Variants in PABIR2 observed in about 807,000 individuals in gnomAD.
PABIR2 encodes PABIR family member 2.
PABIR2 carries 7 observed loss-of-function variants against 22.8 expected under a neutral mutation model. That is an observed-to-expected ratio of 0.31 (90% confidence interval 0.17 to 0.58). The LOEUF is 0.58. Among genes scored for constraint, PABIR2 ranks in the 20% least tolerant of loss-of-function variants. The probability of loss-of-function intolerance (pLI) is 0.89; values close to 1 mark genes in which losing one functional copy is unlikely to be tolerated. For missense variants in PABIR2, 155 were observed against 205.1 expected (o/e 0.76, Z 1.49); for synonymous variants, 67 against 73.8 (o/e 0.91, Z 0.47).
chrX:134,790,793 C>T (rs1051728436), intron 2 of PABIR2, among the ~76,000 whole-genome samples: 3 of 112,355 alleles, frequency 2.7e-5, no homozygotes, highest in Admixed American at 9.4e-5. Context: ...AGGATGATCT[C>T]GATCTCCTGA....
At chrX:134,788,150 TTA>T (rs1286020365) in intron 6 of PABIR2, among the ~76,000 whole-genome samples, 1 of 97,174 alleles carries the variant, frequency 1.0e-5, no homozygotes, top group Non-Finnish European at 2.0e-5. Flanking sequence ...AATATATACG[TTA>T]TATATGTGTA....
intron 1 of PABIR2, among the ~76,000 whole-genome samples, chrX:134,794,962 C>A (rs1280081836): frequency 2.7e-5 from 3 of 112,147 alleles, no homozygotes; most frequent in Non-Finnish European, 5.6e-5. Context: ...ATTCAAAAAA[C>A]AGTATGTTTT....
chrX:134,787,469 T>G lies in PABIR2; in HGVS notation c.497+3A>C. On this transcript the variant is annotated splice_donor_region_variant and intron_variant, in intron 7 of 9. Transcript: ENST00000343004. ...ACCACATTTAAAATTCAAGTTTGCT[T>G]ACCTTGAAAATCGTCTTGGACTGGG... The G allele has an allele frequency of 2.5e-6, 3 of 1,208,076 alleles. No individual in the cohort carries two copies. Among genetic ancestry groups the G allele is most frequent in the Non-Finnish European group, 3.4e-6 (3 of 892,675 alleles).
At chrX:134,775,953 T>C (rs1014282352) in intron 9 of PABIR2, among the ~76,000 whole-genome samples, 2 of 112,241 alleles carry the variant, frequency 1.8e-5, no homozygotes, top group Admixed American at 9.5e-5. Flanking sequence ...AATATCAGTC[T>C]GCAGTCATGC....
chrX:134,782,487 T>G (rs1179640289), intron 8 of PABIR2, among the ~76,000 whole-genome samples: 1 of 112,279 alleles, frequency 8.9e-6, no homozygotes, highest in African/African-American at 3.2e-5. Flanking sequence ...GGTATTGTAC[T>G]GACCACCTCA....
At position 134,787,483 on chromosome X, in the gene PABIR2, T is replaced by C. The variant is rs1162171871; in HGVS notation, c.486A>G (p.Arg162=). The C allele has an allele frequency of 8.3e-7, 1 of 1,210,394 alleles. No homozygotes were observed. Among genetic ancestry groups the C allele is most frequent in the South Asian group, 1.8e-5 (1 of 56,928 alleles). ...GLPPSPVPSP[R]RFSSRRSQSP... is the part of the protein sequence containing the mutation. ...TCAAGTTTGCTTACCTTGAAAATCGTCTTGGACTGGGAACTGGACTTGGTG... is the reference window on the plus strand; with the variant it reads ...TCAAGTTTGCTTACCTTGAAAATCGCCTTGGACTGGGAACTGGACTTGGTG... The change falls in exon 7 of 10, where the codon AGA becomes AGG. Residue 162 remains arginine, a synonymous_variant. Transcript: ENST00000343004.
intron 9 of PABIR2, among the ~76,000 whole-genome samples, chrX:134,778,832 A>T (rs1337239250): frequency 1.8e-5 from 2 of 108,953 alleles, no homozygotes; most frequent in Non-Finnish European, 3.8e-5. Flanking sequence ...TTTTTTTTTG[A>T]GACAGAGTCT....
chrX:134,792,021 T>C (rs913504049), intron 2 of PABIR2, among the ~76,000 whole-genome samples: 1 of 112,135 alleles, frequency 8.9e-6, no homozygotes, highest in African/African-American at 3.2e-5. Context: ...CATCTGCATA[T>C]CCAGTCCATT....
rs1741249354 is a variant in PABIR2, at chrX:134,770,839, C to T, written c.*1300G>A. On this transcript the variant is annotated 3_prime_UTR_variant, in exon 10 of 10. Transcript: ENST00000343004. Reference sequence around the variant, plus strand: ...TCACACTTATAGCACATACACAGTTCATAGCTGAAACAGCTTCTTAAAAGC... The same window carrying T: ...TCACACTTATAGCACATACACAGTTTATAGCTGAAACAGCTTCTTAAAAGC... The T allele has an allele frequency of 8.8e-6, 1 of 113,891 alleles. No individual in the cohort carries two copies. Among genetic ancestry groups the T allele is most frequent in the African/African-American group, 3.2e-5 (1 of 31,014 alleles). 9.4% of individuals were successfully genotyped at this position (113,891 alleles called of 1,213,427 possible).
chrX:134,788,624 T>A, intron 6 of PABIR2, 106 bp downstream of exon 6: 1 of 539,175 alleles, frequency 1.9e-6, no homozygotes, highest in East Asian at 4.0e-5. Context: ...TTTCATTGAT[T>A]TTCCTTCAAG....
intron 9 of PABIR2, among the ~76,000 whole-genome samples, chrX:134,774,972 TCTA>T (rs1384574972): frequency 2.7e-5 from 3 of 112,117 alleles, no homozygotes; most frequent in Non-Finnish European, 5.6e-5. Context: ...ATTTTCACAG[TCTA>T]CTATTAAATC....
At chrX:134,780,674 G>A (rs1176817837) in intron 9 of PABIR2, among the ~76,000 whole-genome samples, 1 of 112,462 alleles carries the variant, frequency 8.9e-6, no homozygotes, top group Non-Finnish European at 1.9e-5. Flanking sequence ...TATTCAGTGA[G>A]TTGATCAGAA....
chrX:134,794,423 T>A (rs1294369081), intron 1 of PABIR2, among the ~76,000 whole-genome samples: 1 of 111,465 alleles, frequency 9.0e-6, no homozygotes, highest in Non-Finnish European at 1.9e-5. Context: ...CTGCCTCAAA[T>A]GCTCTCCCTC....
At chrX:134,778,960 C>A in intron 9 of PABIR2, among the ~76,000 whole-genome samples, 1 of 110,625 alleles carries the variant, frequency 9.0e-6, no homozygotes, top group Non-Finnish European at 1.9e-5. Context: ...ACTACAGGCG[C>A]CCGCCACCAT....
At position 134,783,806 on chromosome X, in the gene PABIR2, C is replaced by T. The variant is rs188777051; in HGVS notation, c.563-1889G>A. Reference sequence around the variant, plus strand: ...TTGTTAATGGCTGGGCATGGTGGCTCATACCTGTGTAATCCCTGCAATTTG... The same window carrying T: ...TTGTTAATGGCTGGGCATGGTGGCTTATACCTGTGTAATCCCTGCAATTTG... On this transcript the variant is annotated intron_variant, in intron 8 of 9. Coordinates refer to ENST00000343004, the MANE Select transcript of PABIR2 (RefSeq NM_001387468.1). 1.8e-3 allele frequency among the ~76,000 whole-genome samples: 197 copies of T among 110,157 alleles called. 1 individual carries two copies. Among genetic ancestry groups the T allele is most frequent in the African/African-American group, 6.0e-3 (182 of 30,277 alleles).
chrX:134,786,514 G>A (rs1018099644), intron 7 of PABIR2, among the ~76,000 whole-genome samples: 3 of 111,072 alleles, frequency 2.7e-5, no homozygotes, highest in Non-Finnish European at 5.7e-5. Context: ...GCAAAACTCC[G>A]TCGCAAAAAT....
At chrX:134,773,366 T>A (rs147129257) in intron 9 of PABIR2, among the ~76,000 whole-genome samples, 1 of 109,700 alleles carries the variant, frequency 9.1e-6, no homozygotes, top group South Asian at 3.9e-4. Flanking sequence ...CCAGCCCTCA[T>A]TGAATTTACA....
At position 134,771,559 on chromosome X, in the gene PABIR2, G is replaced by A. The variant is rs923342762; in HGVS notation, c.*580C>T. 5.3e-6 allele frequency: 5 copies of A among 944,913 alleles called. No individual in the cohort carries two copies. Among genetic ancestry groups the A allele is most frequent in the South Asian group, 9.9e-5 (2 of 20,116 alleles). 77.9% of individuals were successfully genotyped at this position (944,913 alleles called of 1,213,427 possible). A position where few individuals can be genotyped will look rare whatever the true frequency, so the allele number is the denominator to read the frequency against. ...CAATAAGAGTAATGAAAGCAACTACGTATTTCTTCCCCTCTGTGAGAAATG... is the reference window on the plus strand; with the variant it reads ...CAATAAGAGTAATGAAAGCAACTACATATTTCTTCCCCTCTGTGAGAAATG... On this transcript the variant is annotated 3_prime_UTR_variant, in exon 10 of 10. Coordinates refer to ENST00000343004, the MANE Select transcript of PABIR2 (RefSeq NM_001387468.1).
chrX:134,785,016 C>T (rs937059327), intron 8 of PABIR2, among the ~76,000 whole-genome samples: 3 of 111,712 alleles, frequency 2.7e-5, no homozygotes, highest in South Asian at 3.7e-4. Flanking sequence ...ATGTTTGCTA[C>T]GGCATTAGCA....
Sources: allele counts gnomAD v4.1 joint callset (sites outside exome capture counted in the v4.1 genomes callset), GRCh38; gene constraint gnomAD v4.1.1; transcripts MANE v1.5; gene names NCBI Gene and HGNC (gene_info 2026-07-23, HGNC 2026-07-21).